NFKB2: variants seen among roughly 807,000 people sequenced by gnomAD.
NFKB2 encodes the protein nuclear factor NF-kappa-B p100 subunit.
In NFKB2, 21 loss-of-function variants were observed where a neutral mutation model predicts 109.3. The observed-to-expected ratio is 0.19, with a 90% CI of 0.14 to 0.28. NFKB2 has a LOEUF of 0.28. Ranked by LOEUF, NFKB2 falls within the 10% of genes least tolerant of loss-of-function variation. The probability of loss-of-function intolerance (pLI) is 1.00; values close to 1 mark genes in which losing one functional copy is unlikely to be tolerated. For missense variants in NFKB2, 806 were observed against 1,185.3 expected, an observed-to-expected ratio of 0.68 and a Z score of 4.70; for synonymous variants, 478 against 489.9, an observed-to-expected ratio of 0.98 and a Z score of 0.32.
rs897899662 is a variant in NFKB2, at chr10:102,396,865, A to G, written c.244-39A>G. 6.2e-7 allele frequency: 1 copy of G among 1,601,952 alleles called. No homozygotes were observed. Among genetic ancestry groups the G allele is most frequent in the Admixed American group, 1.7e-5 (1 of 59,814 alleles). ...CTGGAGGGTGGGCTAAGTGGACAGC[A>G]TGCCCAAGGCCCTGACTGACAGTCC... On this transcript the variant is annotated intron_variant, in intron 5 of 22. Transcript: ENST00000661543. This position sits in a 1 kb window ranked among gnomAD's most constrained non-coding sequence, Gnocchi z 5.9.
At position 102,401,920 on chromosome 10, in the gene NFKB2, G is replaced by A. The variant is rs996686526; in HGVS notation, c.2466+3G>A. 1 of 1,609,148 alleles carries A rather than the reference G, an allele frequency of 6.2e-7. No homozygotes were observed. The highest frequency in any genetic ancestry group is 8.5e-7 in the Non-Finnish European group (1 of 1,177,336). On this transcript the variant is annotated splice_donor_region_variant and intron_variant, in intron 21 of 22. Coordinates refer to ENST00000661543, the MANE Select transcript of NFKB2 (RefSeq NM_001322934.2). The surrounding 1 kb of genome is among the most constrained non-coding windows in gnomAD (Gnocchi z 4.2). ...GCAGCCTCCTGCGCAGCTACGAGGT[G>A]GGTTGGCCTGTGCCCTGCCCCCTCC...
At chr10:102,395,538 C>G (rs939439062), upstream of NFKB2, among the ~76,000 whole-genome samples, 3 of 152,164 alleles carry the variant, frequency 2.0e-5, no homozygotes, top group African/African-American at 7.2e-5. Flanking sequence ...CGGGGCTTCC[C>G]GGATTCTCCT....
intron 22 of NFKB2, 46 bp from the exon 23 acceptor site, chr10:102,402,206 G>T (rs1430265215): frequency 5.2e-6 from 8 of 1,553,134 alleles, no homozygotes; most frequent in Non-Finnish European, 7.0e-6. Context: ...GAGGGCCGGA[G>T]GCCTGAGGCT....
chr10:102,397,847 C>A lies in NFKB2; in HGVS notation c.662-134C>A. The A allele has an allele frequency of 8.0e-7, 1 of 1,257,648 alleles. No homozygotes were observed. Among genetic ancestry groups the A allele is most frequent in the Non-Finnish European group, 1.1e-6 (1 of 886,210 alleles). The allele number at this position is 1,257,648 out of a possible 1,614,324, so 77.9% of individuals were successfully genotyped here. A position where few individuals can be genotyped will look rare whatever the true frequency, so the allele number is the denominator to read the frequency against. ...GTCATTTCCCCCCCGAAGCTTCTGT[C>A]TTTAGTAAATGTGTATATTGGGTGT... On this transcript the variant is annotated intron_variant, in intron 8 of 22. Transcript: ENST00000661543. This position sits in a 1 kb window ranked among gnomAD's most constrained non-coding sequence, Gnocchi z 4.7.
At position 102,398,589 on chromosome 10, in the gene NFKB2, A is replaced by G; in HGVS notation, c.991+66A>G. On this transcript the variant is annotated intron_variant, in intron 11 of 22. Transcript: ENST00000661543. The surrounding 1 kb of genome is among the most constrained non-coding windows in gnomAD (Gnocchi z 6.6). ...CAGGCTGGGCTAGAAGAAGGTCCCAAGAGCTAGATGTGGGGATGCATGAGC... is the reference window on the plus strand; with the variant it reads ...CAGGCTGGGCTAGAAGAAGGTCCCAGGAGCTAGATGTGGGGATGCATGAGC... The G allele has an allele frequency of 1.2e-6, 2 of 1,609,600 alleles. No homozygotes were observed. The highest frequency in any genetic ancestry group is 1.7e-6 in the Non-Finnish European group (2 of 1,177,350).
Position 102,396,159 on chromosome 10 carries a change from AG to A in NFKB2, c.22-88del. The A allele has an allele frequency of 3.4e-6, 5 of 1,468,672 alleles. No individual in the cohort carries two copies. Among genetic ancestry groups the A allele is most frequent in the Non-Finnish European group, 4.7e-6 (5 of 1,060,516 alleles). 91.0% of individuals were successfully genotyped at this position (1,468,672 alleles called of 1,614,324 possible). On this transcript the variant is annotated intron_variant, in intron 2 of 22. Coordinates refer to ENST00000661543, the MANE Select transcript of NFKB2 (RefSeq NM_001322934.2). This position sits in a 1 kb window ranked among gnomAD's most constrained non-coding sequence, Gnocchi z 5.9. ...GAGCTTTCTCTTGGGTCTGAGGAGG[AG>A]GGGGGAGTGACCACTGAAGACTTGG...
Position 102,398,557 on chromosome 10 carries a change from G to C in NFKB2, c.991+34G>C, listed in dbSNP as rs576112235. ...GGGCTGAGGACCTCAGGGTGCTGGC[G>C]GGGGGCCAGGCTGGGCTAGAAGAAG... is the stretch of plus-strand genomic sequence containing the variant. On this transcript the variant is annotated intron_variant, in intron 11 of 22. Coordinates refer to ENST00000661543, the MANE Select transcript of NFKB2 (RefSeq NM_001322934.2). This position sits in a 1 kb window ranked among gnomAD's most constrained non-coding sequence, Gnocchi z 6.6. 5.6e-6 allele frequency: 9 copies of C among 1,609,820 alleles called. No homozygotes were observed. The highest frequency in any genetic ancestry group is 7.6e-6 in the Non-Finnish European group (9 of 1,177,336).
rs1045259718 is a variant in NFKB2, at chr10:102,396,757, C to T, written c.177C>T (p.Gly59=). 8 of 1,613,042 alleles carry T rather than the reference C, an allele frequency of 5.0e-6. No homozygotes were observed. The highest frequency in any genetic ancestry group is 6.8e-6 in the Non-Finnish European group (8 of 1,179,200). The change falls in exon 5 of 23, where the codon GGC becomes GGT. Residue 59 remains glycine (G), a synonymous_variant. Transcript: ENST00000661543. This position sits in a 1 kb window ranked among gnomAD's most constrained non-coding sequence, Gnocchi z 5.9. The part of the protein sequence containing the change: ...RGFRFRYGCE[G]PSHGGLPGAS... ...TCCGATTTCGATATGGCTGTGAAGG[C>T]CCCTCCCATGGAGGACTGCCCGGTG...
chr10:102,402,106 A>G lies in NFKB2; in HGVS notation c.2525A>G (p.Glu842Gly). The change falls in exon 22 of 23, where the codon GAG (glutamate) becomes GGG (glycine). Residue 842 changes from glutamate to glycine, a missense_variant. This residue lies in a region of NFKB2 where 211 missense variants were observed against 268.7 expected (regional missense o/e 0.79). Coordinates refer to ENST00000661543, the MANE Select transcript of NFKB2 (RefSeq NM_001322934.2). Reference protein sequence around the residue: ...LEALSDMGLEEGVRLLRGPET... With the variant: ...LEALSDMGLEGGVRLLRGPET... ...GCCCTGTCTGACATGGGCCTAGAGG[A>G]GGGAGTGAGGCTGCTGAGGGGTCCA... 1 of 1,580,138 alleles carries G rather than the reference A, an allele frequency of 6.3e-7. No homozygotes were observed. Among genetic ancestry groups the G allele is most frequent in the Non-Finnish European group, 8.6e-7 (1 of 1,162,602 alleles).
In NFKB2 at chr10:102,396,835, T is replaced by A. The variant is rs879045623; in HGVS notation, c.243+12T>A. On this transcript the variant is annotated intron_variant, in intron 5 of 22. Coordinates refer to ENST00000661543, the MANE Select transcript of NFKB2 (RefSeq NM_001322934.2). This position sits in a 1 kb window ranked among gnomAD's most constrained non-coding sequence, Gnocchi z 5.9. Reference sequence around the variant, plus strand: ...ATCCCACTGTCAAGGTGAGCCAGGATGGTGCTGGAGGGTGGGCTAAGTGGA... The same window carrying A: ...ATCCCACTGTCAAGGTGAGCCAGGAAGGTGCTGGAGGGTGGGCTAAGTGGA... The A allele has an allele frequency of 1.2e-6, 2 of 1,609,810 alleles. No individual in the cohort carries two copies. The highest frequency in any genetic ancestry group is 2.2e-5 in the South Asian group (2 of 91,024).
chr10:102,400,466 G>T lies in NFKB2; in HGVS notation c.1773G>T (p.Gln591His), dbSNP rs767315544. The T allele has an allele frequency of 5.0e-6, 8 of 1,606,242 alleles. No homozygotes were observed. Among genetic ancestry groups the T allele is most frequent in the African/African-American group, 2.7e-5 (2 of 74,688 alleles). ...LLQSGAPAVP[Q>H]LLHMPDFEGL... ...AGAGTGGAGCTCCTGCTGTGCCCCA[G>T]CTGTTGCATATGCCTGACTTTGAGG... Residue 591 changes from glutamine (Q) to histidine (H), a missense_variant, in exon 16 of 23, where the codon CAG (glutamine) becomes CAT (histidine). This residue lies in a region of NFKB2 where 163 missense variants were observed against 207.1 expected (regional missense o/e 0.79). Coordinates refer to ENST00000661543, the MANE Select transcript of NFKB2 (RefSeq NM_001322934.2). The surrounding 1 kb of genome is among the most constrained non-coding windows in gnomAD (Gnocchi z 6.3).
Position 102,401,746 on chromosome 10 carries a change from G to A in NFKB2, c.2295G>A (p.Gly765=). 2 of 1,598,372 alleles carry A rather than the reference G, an allele frequency of 1.3e-6. No homozygotes were observed. The highest frequency in any genetic ancestry group is 1.1e-5 in the South Asian group (1 of 89,664). The change falls in exon 21 of 23, where the codon GGG becomes GGA. Residue 765 remains glycine, a splice_region_variant and synonymous_variant. Coordinates refer to ENST00000661543, the MANE Select transcript of NFKB2 (RefSeq NM_001322934.2). The surrounding 1 kb of genome is among the most constrained non-coding windows in gnomAD (Gnocchi z 4.2). ...EPPLTPPSPA[G]PGLSLGDTAL... ...TGTCTGTATGTGTGTCCCCCTAAGG[G>A]CCGGGACTGTCACTTGGTGATACAG...
At position 102,400,898 on chromosome 10, in the gene NFKB2, G is replaced by A. The variant is rs981131516; in HGVS notation, c.1969-49G>A. 6.3e-6 allele frequency: 10 copies of A among 1,587,590 alleles called. No homozygotes were observed. The highest frequency in any genetic ancestry group is 7.7e-6 in the Non-Finnish European group (9 of 1,165,828). ...CCAAAGATGGTGAAGGGGGGGGCTG[G>A]CCAAGGGGACCATGCTGTGGTGTCA... On this transcript the variant is annotated intron_variant, in intron 17 of 22. Transcript: ENST00000661543. The surrounding 1 kb of genome is among the most constrained non-coding windows in gnomAD (Gnocchi z 6.3).
Position 102,398,578 on chromosome 10 carries a change from A to C in NFKB2, c.991+55A>C. The C allele has an allele frequency of 6.2e-7, 1 of 1,609,188 alleles. No individual in the cohort carries two copies. Among genetic ancestry groups the C allele is most frequent in the Non-Finnish European group, 8.5e-7 (1 of 1,176,994 alleles). The stretch of plus-strand genomic sequence containing the variant: ...TGGCGGGGGGCCAGGCTGGGCTAGA[A>C]GAAGGTCCCAAGAGCTAGATGTGGG... On this transcript the variant is annotated intron_variant, in intron 11 of 22. Coordinates refer to ENST00000661543, the MANE Select transcript of NFKB2 (RefSeq NM_001322934.2). The surrounding 1 kb of genome is among the most constrained non-coding windows in gnomAD (Gnocchi z 6.6).
chr10:102,400,529 G>T lies in NFKB2; in HGVS notation c.1798+38G>T. On this transcript the variant is annotated intron_variant, in intron 16 of 22. Transcript: ENST00000661543. The surrounding 1 kb of genome is among the most constrained non-coding windows in gnomAD (Gnocchi z 6.3). Reference sequence around the variant, plus strand: ...TCTCACCTGACTAAGGGGGCAGGCGGGGACCAGGGAGGGTATCTGGCCAGT... The same window carrying T: ...TCTCACCTGACTAAGGGGGCAGGCGTGGACCAGGGAGGGTATCTGGCCAGT... The T allele has an allele frequency of 6.3e-7, 1 of 1,587,672 alleles. No individual in the cohort carries two copies. The highest frequency in any genetic ancestry group is 8.6e-7 in the Non-Finnish European group (1 of 1,166,518).
chr10:102,401,820 G>C lies in NFKB2; in HGVS notation c.2369G>C (p.Ser790Thr). The C allele has an allele frequency of 6.2e-7, 1 of 1,613,876 alleles. No individual in the cohort carries two copies. The highest frequency in any genetic ancestry group is 8.5e-7 in the Non-Finnish European group (1 of 1,179,916). Residue 790 changes from serine (S) to threonine (T), a missense_variant, in exon 21 of 23, where the codon AGC becomes ACC. Ser to Thr is a moderately conservative substitution (Grantham distance 58). Around this residue, in one of 10 missense-constraint regions of NFKB2, gnomAD observed 211 missense variants for 268.7 expected, o/e 0.79. Coordinates refer to ENST00000661543, the MANE Select transcript of NFKB2 (RefSeq NM_001322934.2). This position sits in a 1 kb window ranked among gnomAD's most constrained non-coding sequence, Gnocchi z 4.2. ...CTAGACGGGCCAGAAGCCCAGGGCA[G>C]CTGGGCAGAGCTGGCAGAGCGTCTG... The part of the protein sequence containing the change: ...QLLDGPEAQG[S>T]WAELAERLGL...
At chr10:102,399,232 A>T (rs971462583) in intron 12 of NFKB2, 56 bp from the exon 13 acceptor site, 136 of 1,477,276 alleles carry the variant, frequency 9.2e-5, no homozygotes, top group Non-Finnish European at 1.2e-4. Flanking sequence ...AAAAAAAAAA[A>T]ATCTGGGAGA....
rs34916280 is a variant in NFKB2 at position 102,400,301 on chromosome 10, C to T, written c.1608C>T (p.Ile536=). The T allele has an allele frequency of 1.9e-6, 3 of 1,613,954 alleles. No individual in the cohort carries two copies. The East Asian group carries it at 6.7e-5, about 36-fold the overall frequency. ...LHQTPLHLAV[I]TGQTSVVSFL... ...AGACGCCCCTGCACCTGGCGGTGAT[C>T]ACGGGGCAGACGAGTGTGGTGAGCT... The change falls in exon 16 of 23, where the codon ATC becomes ATT. Residue 536 remains isoleucine (I), a synonymous_variant. Transcript: ENST00000661543. This position sits in a 1 kb window ranked among gnomAD's most constrained non-coding sequence, Gnocchi z 6.3.
In NFKB2 at chr10:102,399,514, A is replaced by G; in HGVS notation, c.1327+17A>G. On this transcript the variant is annotated intron_variant, in intron 13 of 22. Transcript: ENST00000661543. ...TGCAGCGAGGTATGGACTCCGGGGC[A>G]CGGGCGGTCGGGGCGCCGGGGCTGA... The G allele has an allele frequency of 6.7e-7, 1 of 1,500,108 alleles. No homozygotes were observed. The highest frequency in any genetic ancestry group is 8.9e-7 in the Non-Finnish European group (1 of 1,123,560). The allele number at this position is 1,500,108 out of a possible 1,614,324, so 92.9% of individuals were successfully genotyped here.
Sources: allele counts gnomAD v4.1 joint callset (sites outside exome capture counted in the v4.1 genomes callset), GRCh38; gene constraint gnomAD v4.1.1; regional missense constraint gnomAD v4.1.1; non-coding constraint Gnocchi (gnomAD v3.1); transcripts MANE v1.5; gene names NCBI Gene and HGNC (gene_info 2026-07-23, HGNC 2026-07-21).